The following AMN1 variants were observed in gnomAD, a reference collection of about 807,000 sequenced individuals.
The protein encoded by AMN1 is protein AMN1 homolog.
In AMN1, 20 loss-of-function variants were observed where a neutral mutation model predicts 33.0. The ratio of observed to expected loss-of-function variants is 0.61; its 90% confidence interval spans 0.43 to 0.88. The LOEUF is 0.88. AMN1 is among the 40% of genes least tolerant of loss of function. The probability of loss-of-function intolerance (pLI) is 0.00; values close to 1 mark genes in which losing one functional copy is unlikely to be tolerated. For missense variants in AMN1, 246 were observed against 307.4 expected, an observed-to-expected ratio of 0.80 and a Z score of 1.49; for synonymous variants, 114 against 111.9, an observed-to-expected ratio of 1.02 and a Z score of -0.12.
rs563092788 is a variant in AMN1, at chr12:31,676,264, T to G, written c.704-3887A>C. The stretch of plus-strand genomic sequence containing the variant: ...CAATATTTCCCAAATTACCTATAGA[T>G]TCAATGAAATTCATATCAAAATACA... On this transcript the variant is annotated intron_variant, in intron 6 of 6. Coordinates refer to ENST00000281471, the MANE Select transcript of AMN1 (RefSeq NM_001113402.2). Among the ~76,000 whole-genome samples the G allele has an allele frequency of 2.3e-4, 35 of 151,724 alleles. 3 individuals are homozygous for G. Among genetic ancestry groups the G allele is most frequent in the African/African-American group, 8.5e-4 (35 of 41,182 alleles).
Position 31,687,481 on chromosome 12 carries a change from G to A in AMN1, c.703+1526C>T, listed in dbSNP as rs1938314001. On this transcript the variant is annotated intron_variant, in intron 6 of 6. Coordinates refer to ENST00000281471, the MANE Select transcript of AMN1 (RefSeq NM_001113402.2). This position sits in a 1 kb window ranked among gnomAD's most constrained non-coding sequence, Gnocchi z 4.1. ...TGGGGTGGGTGGATCATGAGGTCAG[G>A]AGCCTGGCCTGACCAGTATGGTGAT... is the stretch of plus-strand genomic sequence containing the variant. 6.6e-6 allele frequency among the ~76,000 whole-genome samples: 1 copy of A among 152,004 alleles called. No individual in the cohort carries two copies. The highest frequency in any genetic ancestry group is 2.4e-5 in the African/African-American group (1 of 41,396).
intron 6 of AMN1, among the ~76,000 whole-genome samples, chr12:31,686,757 C>T (rs1453070445): frequency 1.3e-5 from 2 of 152,152 alleles, no homozygotes; most frequent in South Asian, 2.1e-4. Context: ...TGAAGTATGG[C>T]TTCTACTGAA....
chr12:31,698,859 C>G (rs894444139), intron 3 of AMN1, among the ~76,000 whole-genome samples: 1 of 152,024 alleles, frequency 6.6e-6, no homozygotes, highest in Non-Finnish European at 1.5e-5. Context: ...CTCCGAAAAG[C>G]CTTATAATTT....
At chr12:31,723,226 G>T (rs563264971) in intron 1 of AMN1, among the ~76,000 whole-genome samples, 3 of 151,736 alleles carry the variant, frequency 2.0e-5, no homozygotes, top group African/African-American at 7.3e-5. Flanking sequence ...AAACACACAC[G>T]CACACACACA....
chr12:31,689,418 A>G (rs1227142368), intron 5 of AMN1, among the ~76,000 whole-genome samples: 3 of 152,232 alleles, frequency 2.0e-5, no homozygotes, highest in African/African-American at 7.2e-5. Flanking sequence ...GTGCACAAGG[A>G]AACAATTTAT....
In AMN1 at chr12:31,697,649, A is replaced by G. The variant is rs1295952025; in HGVS notation, c.534+91T>C. On this transcript the variant is annotated intron_variant, in intron 4 of 6. Transcript: ENST00000281471. ...GTGGTCAATAGTTTCAACAAAAACA[A>G]AATGAACTCCTTATGATATGTTCTC... 10 of 1,388,666 alleles carry G rather than the reference A, an allele frequency of 7.2e-6. No homozygotes were observed. The Admixed American group carries it at 1.9e-4, about 27-fold the overall frequency. 86.0% of individuals were successfully genotyped at this position (1,388,666 alleles called of 1,614,324 possible). A position where few individuals can be genotyped will look rare whatever the true frequency, so the allele number is the denominator to read the frequency against.
At chr12:31,677,945 T>C (rs555904449) in intron 6 of AMN1, among the ~76,000 whole-genome samples, 28 of 152,222 alleles carry the variant, frequency 1.8e-4, no homozygotes, top group Middle Eastern at 6.8e-3. Flanking sequence ...CATTCCAGAG[T>C]GGCCCCGCCC....
intron 6 of AMN1, among the ~76,000 whole-genome samples, chr12:31,673,844 T>C (rs76930395): frequency 0.074 from 11,335 of 152,264 alleles, 568 homozygotes; most frequent in East Asian, 0.21. Context: ...TAGTATAATA[T>C]ACTGTGTTAA....
Position 31,672,542 on chromosome 12 carries a change from T to C in AMN1, c.704-165A>G, listed in dbSNP as rs182823883. ...AACTAACTCACTAATAATTAATTAATGGTAGCCCTCACTATTATTAGGTGT... is the reference window on the plus strand; with the variant it reads ...AACTAACTCACTAATAATTAATTAACGGTAGCCCTCACTATTATTAGGTGT... On this transcript the variant is annotated intron_variant, in intron 6 of 6. Transcript: ENST00000281471. 1.6e-4 allele frequency: 91 copies of C among 570,216 alleles called. 2 individuals are homozygous for C. The highest frequency in any genetic ancestry group is 1.4e-3 in the African/African-American group (77 of 53,490). 35.3% of individuals were successfully genotyped at this position (570,216 alleles called of 1,614,324 possible).
At chr12:31,693,917 T>A (rs1183372032) in intron 5 of AMN1, among the ~76,000 whole-genome samples, 1 of 151,102 alleles carries the variant, frequency 6.6e-6, no homozygotes, top group African/African-American at 2.4e-5. Context: ...GGGATCCACT[T>A]GCTTTAGCCT....
At chr12:31,697,504 T>A in intron 4 of AMN1, 87 bp from the exon 5 acceptor site, 1 of 1,279,382 alleles carries the variant, frequency 7.8e-7, no homozygotes, top group Middle Eastern at 1.9e-4. Context: ...TTAGATATAG[T>A]CTTAATGCCT....
rs1938318679 is a variant in AMN1, at chr12:31,687,569, G to C, written c.703+1438C>G. On this transcript the variant is annotated intron_variant, in intron 6 of 6. Coordinates refer to ENST00000281471, the MANE Select transcript of AMN1 (RefSeq NM_001113402.2). This position sits in a 1 kb window ranked among gnomAD's most constrained non-coding sequence, Gnocchi z 4.1. ...GTGGTGGCATGCGCCTGTAGTCCCA[G>C]CTACTTGGGAGGCTGAGGCAGGAGA... is the stretch of plus-strand genomic sequence containing the variant. 6.6e-6 allele frequency among the ~76,000 whole-genome samples: 1 copy of C among 152,006 alleles called. No homozygotes were observed. Among genetic ancestry groups the C allele is most frequent in the South Asian group, 2.1e-4 (1 of 4,822 alleles).
rs545003658 is a variant in AMN1 at position 31,699,065 on chromosome 12, G to A, written c.317-1108C>T. 1.4e-4 allele frequency among the ~76,000 whole-genome samples: 22 copies of A among 152,044 alleles called. No homozygotes were observed. In the South Asian group the frequency reaches 2.9e-3, roughly 20 times the overall value. On this transcript the variant is annotated intron_variant, in intron 3 of 6. Coordinates refer to ENST00000281471, the MANE Select transcript of AMN1 (RefSeq NM_001113402.2). Reference sequence around the variant, plus strand: ...CTTTGGCGAGGTGGGGGTCAGGGACGGCAGGGAATAGGGGATGGGGATTAA... The same window carrying A: ...CTTTGGCGAGGTGGGGGTCAGGGACAGCAGGGAATAGGGGATGGGGATTAA...
At chr12:31,709,783 T>TG (rs1424775092) in intron 1 of AMN1, among the ~76,000 whole-genome samples, 2 of 152,172 alleles carry the variant, frequency 1.3e-5, no homozygotes, top group Non-Finnish European at 2.9e-5. Context: ...GAGCTGTGAT[T>TG]GTGCCACTAC....
At chr12:31,729,118 CA>C, upstream of AMN1, 1 of 1,269,584 alleles carries the variant, frequency 7.9e-7, no homozygotes, top group Non-Finnish European at 1.1e-6. Flanking sequence ...TGTGACGTCA[CA>C]CGGATTTTTC....
intron 1 of AMN1, among the ~76,000 whole-genome samples, chr12:31,713,739 G>A (rs1274919814): frequency 6.6e-6 from 1 of 152,140 alleles, no homozygotes; most frequent in Non-Finnish European, 1.5e-5. Flanking sequence ...TACCTGGGGT[G>A]CGGGGGTGCT....
intron 2 of AMN1, among the ~76,000 whole-genome samples, chr12:31,708,413 C>G (rs1222587520): frequency 1.3e-5 from 2 of 152,172 alleles, no homozygotes; most frequent in African/African-American, 2.4e-5. Context: ...AACCCCAGCC[C>G]TGGTAAATTT....
intron 1 of AMN1, among the ~76,000 whole-genome samples, chr12:31,726,790 A>G (rs947846389): frequency 6.6e-6 from 1 of 152,198 alleles, no homozygotes; most frequent in Non-Finnish European, 1.5e-5. Flanking sequence ...AAGGGCAAAT[A>G]TGGACCTTTA....
chr12:31,711,120 G>A (rs939033918), intron 1 of AMN1, among the ~76,000 whole-genome samples: 5 of 152,086 alleles, frequency 3.3e-5, no homozygotes, highest in African/African-American at 1.2e-4. Flanking sequence ...ATATTGGCCA[G>A]GATGGTCCAA....
Sources: allele counts gnomAD v4.1 joint callset (sites outside exome capture counted in the v4.1 genomes callset), GRCh38; gene constraint gnomAD v4.1.1; non-coding constraint Gnocchi (gnomAD v3.1); transcripts MANE v1.5; gene names NCBI Gene and HGNC (gene_info 2026-07-23, HGNC 2026-07-21).